The following ENPP3 variants were observed in gnomAD, a reference collection of about 807,000 sequenced individuals.
ENPP3 encodes the protein ectonucleotide pyrophosphatase/phosphodiesterase 3, also known as ectonucleotide pyrophosphatase/phosphodiesterase family member 3.
In ENPP3, 104 loss-of-function variants were observed where a neutral mutation model predicts 117.8. That is an observed-to-expected ratio of 0.88 (90% CI 0.75 to 1.04). ENPP3 has a LOEUF of 1.04. Among genes scored for constraint, ENPP3 ranks in the 50% least tolerant of loss-of-function variants. The pLI is 0.00. For synonymous variants in ENPP3, 380 were observed against 349.9 expected, an observed-to-expected ratio of 1.09 and a Z score of -0.96; for missense variants, 1,026 against 1,051.9, an observed-to-expected ratio of 0.98 and a Z score of 0.34.
At chr6:131,663,512 C>T (rs1266744115) in intron 6 of ENPP3, among the ~76,000 whole-genome samples, 3 of 142,698 alleles carry the variant, frequency 2.1e-5, no homozygotes, top group Non-Finnish European at 4.5e-5. Flanking sequence ...CAAAGTGAAA[C>T]CCTGTCTCTA....
chr6:131,646,125 TTACCATATCTC>T (rs1416551457), intron 2 of ENPP3, among the ~76,000 whole-genome samples: 1 of 152,176 alleles, frequency 6.6e-6, no homozygotes, highest in Non-Finnish European at 1.5e-5. Context: ...ACAATTCTGC[TTACCATATCTC>T]TACTGAATTT....
intron 11 of ENPP3, among the ~76,000 whole-genome samples, chr6:131,678,939 TTCTTTC>T (rs1242527905): frequency 1.1e-5 from 1 of 90,778 alleles, no homozygotes; most frequent in African/African-American, 8.2e-5. Context: ...CTTTCTTTCT[TTCTTTC>T]TTTCTTTCTT....
chr6:131,638,155 G>C (rs1437358095), intron 1 of ENPP3, among the ~76,000 whole-genome samples: 1 of 151,838 alleles, frequency 6.6e-6, no homozygotes, highest in African/African-American at 2.4e-5. Context: ...TGTTTCTACT[G>C]TACTGAGTCC....
rs1778323972 is a variant in ENPP3 at position 131,654,070 on chromosome 6, T to C, written c.464+1179T>C. Among the ~76,000 whole-genome samples, 3 of 151,902 alleles carry C rather than the reference T, an allele frequency of 2.0e-5. No individual in the cohort carries two copies. In the South Asian group the frequency reaches 6.2e-4, roughly 32 times the overall value. ...GATGAAAAAGAAAGGAATACCTGGC[T>C]TTAGGAGGAATTGGTAGAGGCAGTT... On this transcript the variant is annotated intron_variant, in intron 5 of 24. Transcript: ENST00000357639.
At chr6:131,720,181 G>T (rs1460534038) in intron 16 of ENPP3, 111 bp from the exon 17 acceptor site, 1 of 627,270 alleles carries the variant, frequency 1.6e-6, no homozygotes, top group Non-Finnish European at 2.8e-6. Context: ...TCCTTACAGA[G>T]GCCTAATACA....
chr6:131,728,072 G>C (rs1218309922), intron 20 of ENPP3, among the ~76,000 whole-genome samples: 1 of 152,170 alleles, frequency 6.6e-6, no homozygotes, highest in Non-Finnish European at 1.5e-5. Context: ...GCCAGTGTGG[G>C]CAAATATTTT....
intron 15 of ENPP3, among the ~76,000 whole-genome samples, chr6:131,705,148 CACA>C (rs1294919313): frequency 5.8e-5 from 4 of 69,248 alleles, no homozygotes; most frequent in African/African-American, 2.4e-4. Context: ...TCAGAACACA[CACA>C]ACATTTATCA....
At chr6:131,681,286 C>G (rs936607840) in intron 11 of ENPP3, among the ~76,000 whole-genome samples, 1 of 152,160 alleles carries the variant, frequency 6.6e-6, no homozygotes, top group Non-Finnish European at 1.5e-5. Flanking sequence ...CTTTAAACCT[C>G]AAGTTTCCTG....
chr6:131,647,760 G>GA, intron 2 of ENPP3, among the ~76,000 whole-genome samples: 2 of 152,138 alleles, frequency 1.3e-5, no homozygotes, highest in South Asian at 4.1e-4. Flanking sequence ...ATATTTTAAA[G>GA]AAAATGTTCT....
intron 20 of ENPP3, among the ~76,000 whole-genome samples, chr6:131,732,823 C>T (rs989186129): frequency 1.4e-5 from 2 of 148,136 alleles, no homozygotes; most frequent in African/African-American, 2.5e-5. Flanking sequence ...CTCCGCCTCC[C>T]GGTTCAAGCG....
chr6:131,655,514 G>A (rs754326535), intron 5 of ENPP3, among the ~76,000 whole-genome samples: 12 of 152,174 alleles, frequency 7.9e-5, no homozygotes, highest in Admixed American at 3.3e-4. Context: ...GGCTGAGCCC[G>A]TGATGCTGTG....
At chr6:131,733,806 C>A in intron 21 of ENPP3, 83 bp downstream of exon 21, 1 of 1,413,052 alleles carries the variant, frequency 7.1e-7, no homozygotes, top group Non-Finnish European at 9.8e-7. Context: ...CATATACTCC[C>A]CACCAAAACT....
intron 3 of ENPP3, 68 bp from the exon 4 acceptor site, chr6:131,652,474 A>G: frequency 3.4e-6 from 5 of 1,465,238 alleles, no homozygotes; most frequent in Non-Finnish European, 4.7e-6. Context: ...ATAGGAATAA[A>G]TAAATGAAAT....
rs559826266 is a variant in ENPP3, at chr6:131,743,628, G to A, written c.2458-3158G>A. On this transcript the variant is annotated intron_variant, in intron 24 of 24. Transcript: ENST00000357639. The stretch of plus-strand genomic sequence containing the variant: ...GCACATCACCTGAGGTCAGGAGGTC[G>A]AGACCAGCCTTTTACTAGAGACCCC... 1.3e-4 allele frequency among the ~76,000 whole-genome samples: 19 copies of A among 151,962 alleles called. No individual in the cohort carries two copies. The South Asian group carries it at 3.5e-3, about 28-fold the overall frequency.
Position 131,724,031 on chromosome 6 carries a change from A to G in ENPP3, c.1747-9A>G, listed in dbSNP as rs1447063295. The G allele has an allele frequency of 3.1e-6, 5 of 1,606,610 alleles. No individual in the cohort carries two copies. Among genetic ancestry groups the G allele is most frequent in the Non-Finnish European group, 8.5e-7 (1 of 1,174,028 alleles). ...TTCCTCCCCTTTCCCATCCCTCATT[A>G]TCTTGCAGAGTACTCAGCTGGAACA... On this transcript the variant is annotated splice_polypyrimidine_tract_variant and intron_variant, in intron 18 of 24. Transcript: ENST00000357639.
intron 23 of ENPP3, among the ~76,000 whole-genome samples, chr6:131,739,343 G>A (rs1298254489): frequency 6.6e-6 from 1 of 152,164 alleles, no homozygotes; most frequent in East Asian, 1.9e-4. Context: ...CAGTTGTATG[G>A]ATTTATCCCC....
chr6:131,674,192 G>A lies in ENPP3; in HGVS notation c.673G>A (p.Asp225Asn). Residue 225 changes from aspartate (D) to asparagine (N), a missense_variant, in exon 8 of 25, where the codon GAC (aspartate) becomes AAC (asparagine). By Grantham distance (23) the Asp-to-Asn change is conservative. Coordinates refer to ENST00000357639, the MANE Select transcript of ENPP3 (RefSeq NM_005021.5). ...GLYPESHGII[D>N]NNMYDVNLNK... ...GTATCCAGAGTCACATGGCATCATT[G>A]ACAATAATATGTATGATGTAAATCT... 6.4e-7 allele frequency: 1 copy of A among 1,569,424 alleles called. No homozygotes were observed. Among genetic ancestry groups the A allele is most frequent in the Non-Finnish European group, 8.8e-7 (1 of 1,140,812 alleles).
At chr6:131,678,469 G>A (rs1396551854) in intron 11 of ENPP3, among the ~76,000 whole-genome samples, 1 of 152,184 alleles carries the variant, frequency 6.6e-6, no homozygotes, top group Non-Finnish European at 1.5e-5. Flanking sequence ...AGGCCATTCT[G>A]TTATGATTTT....
chr6:131,680,312 G>C (rs118130960), intron 11 of ENPP3, among the ~76,000 whole-genome samples: 2 of 152,278 alleles, frequency 1.3e-5, no homozygotes, highest in Non-Finnish European at 2.9e-5. Flanking sequence ...TGATTTCCTA[G>C]TTTCTATCAT....
Sources: gnomAD v4.1 joint callset for allele counts (sites outside exome capture counted in the v4.1 genomes callset) on GRCh38, gnomAD v4.1.1 for gene constraint, MANE v1.5 for transcripts, NCBI Gene and HGNC (gene_info 2026-07-23, HGNC 2026-07-21) for gene names.